The following LPIN3 variants were observed in gnomAD, a reference collection of about 807,000 sequenced individuals.
LPIN3 encodes the protein phosphatidate phosphatase LPIN3.
LPIN3 carries 82 observed loss-of-function variants against 94.7 expected under a neutral mutation model. The ratio of observed to expected loss-of-function variants is 0.87; its 90% confidence interval spans 0.72 to 1.04. The LOEUF (loss-of-function observed/expected upper bound fraction) is 1.04. Ranked by LOEUF, LPIN3 falls within the 50% of genes least tolerant of loss-of-function variation. LPIN3 has a pLI of 0.00. For missense variants in LPIN3, 996 were observed against 1,090.5 expected (o/e 0.91, Z 1.22); for synonymous variants, 418 against 443.3 (o/e 0.94, Z 0.72).
chr20:41,357,965 AG>A lies in LPIN3; in HGVS notation c.2129del (p.Gly710AlafsTer24). On this transcript the variant is annotated frameshift_variant, in exon 17 of 20. Coordinates refer to ENST00000373257, the MANE Select transcript of LPIN3 (RefSeq NM_022896.3). LOFTEE classifies it high-confidence loss of function. ...AAGGGGTACCTGCAGTGGGTGAGCG[AG>A]GGGGGCTGTAGCCTCCCCAAGGGCC... ...LTKGYLQWVS[E>X]GGCSLPKGPI... The A allele has an allele frequency of 6.2e-7, 1 of 1,613,588 alleles. No individual in the cohort carries two copies. The highest frequency in any genetic ancestry group is 8.5e-7 in the Non-Finnish European group (1 of 1,179,814).
chr20:41,355,896 G>A lies in LPIN3; in HGVS notation c.1665G>A (p.Gly555=). The A allele has an allele frequency of 1.9e-6, 3 of 1,614,026 alleles. No homozygotes were observed. Among genetic ancestry groups the A allele is most frequent in the Middle Eastern group, 3.3e-4 (2 of 6,060 alleles). ...KEKTAAKEQQ[G]EKTEVLSSDD... ...GCCTGAGAGCCAGTGTGGTCCACAG[G>A]GAGAAGACAGAAGTCCTGAGCAGTG... is the stretch of plus-strand genomic sequence containing the variant. The change falls in exon 14 of 20, where the codon GGG becomes GGA. Residue 555 remains glycine (G), a splice_region_variant and synonymous_variant. Coordinates refer to ENST00000373257, the MANE Select transcript of LPIN3 (RefSeq NM_022896.3).
chr20:41,348,946 G>A, intron 4 of LPIN3, 59 bp downstream of exon 4: 1 of 1,585,864 alleles, frequency 6.3e-7, no homozygotes. Flanking sequence ...TGTTTCCTCT[G>A]CTCATGCTGT....
Position 41,357,424 on chromosome 20 carries a change from C to T in LPIN3, c.2016C>T (p.Thr672=). ...LGKDWTHQGI[T]SLYHKIQLNG... is the part of the protein sequence containing the mutation. ...AAGACTGGACACACCAGGGCATCAC[C>T]AGTCTCTATCACAAAATCCAACTGT... is the stretch of plus-strand genomic sequence containing the variant. Residue 672 remains threonine (T), a synonymous_variant, in exon 16 of 20, where the codon ACC becomes ACT. Coordinates refer to ENST00000373257, the MANE Select transcript of LPIN3 (RefSeq NM_022896.3). 6.2e-7 allele frequency: 1 copy of T among 1,613,796 alleles called. No individual in the cohort carries two copies. The highest frequency in any genetic ancestry group is 8.5e-7 in the Non-Finnish European group (1 of 1,179,944).
Position 41,359,092 on chromosome 20 carries a change from A to G in LPIN3, c.*226A>G, listed in dbSNP as rs1490425709. On this transcript the variant is annotated 3_prime_UTR_variant, in exon 20 of 20. Transcript: ENST00000373257. ...GTCAGTGTGGCACTGTCCTGGGGCA[A>G]TTAGCTTGTCATCTGGGCCCTTGCA... 3.1e-5 allele frequency: 12 copies of G among 384,462 alleles called. No individual in the cohort carries two copies. The highest frequency in any genetic ancestry group is 4.6e-5 in the Non-Finnish European group (10 of 219,170). The allele number at this position is 384,462 out of a possible 1,614,324, so 23.8% of individuals were successfully genotyped here.
intron 2 of LPIN3, 47 bp downstream of exon 2, chr20:41,346,042 T>C: frequency 6.3e-7 from 1 of 1,578,030 alleles, no homozygotes; most frequent in Non-Finnish European, 8.6e-7. Context: ...GTGGGCTTTT[T>C]AAGCTGGGGC....
At chr20:41,354,456 T>C (rs1193219999) in intron 11 of LPIN3, among the ~76,000 whole-genome samples, 189 bp from the exon 12 acceptor site, 2 of 152,178 alleles carry the variant, frequency 1.3e-5, no homozygotes, top group African/African-American at 2.4e-5. Flanking sequence ...TGAGTATAGC[T>C]CACCCAAGTC....
Position 41,341,000 on chromosome 20 carries a change from C to G in LPIN3, c.-11C>G, listed in dbSNP as rs1331867992. On this transcript the variant is annotated splice_region_variant and 5_prime_UTR_variant, in exon 1 of 20. Coordinates refer to ENST00000373257, the MANE Select transcript of LPIN3 (RefSeq NM_022896.3). ...CCAGGAGCTCCAGTGGGCAGCTCCCCAGGTAGGGCCCAACTCGGGGGGAGA... is the reference window on the plus strand; with the variant it reads ...CCAGGAGCTCCAGTGGGCAGCTCCCGAGGTAGGGCCCAACTCGGGGGGAGA... 6.6e-6 allele frequency: 1 copy of G among 152,316 alleles called. No individual in the cohort carries two copies. The highest frequency in any genetic ancestry group is 1.5e-5 in the Non-Finnish European group (1 of 68,118). The allele number at this position is 152,316 out of a possible 1,614,324, so 9.4% of individuals were successfully genotyped here.
Position 41,352,062 on chromosome 20 carries a change from ACT to A in LPIN3, c.1208_1209del (p.Ser403TrpfsTer9). The A allele has an allele frequency of 6.2e-7, 1 of 1,614,062 alleles. No homozygotes were observed. The highest frequency in any genetic ancestry group is 1.1e-5 in the South Asian group (1 of 91,074). On this transcript the variant is annotated frameshift_variant, in exon 9 of 20. Coordinates refer to ENST00000373257, the MANE Select transcript of LPIN3 (RefSeq NM_022896.3). LOFTEE classifies it high-confidence loss of function. ...ATTGTTGGCCCCTTTGCCTGCAGTG[ACT>A]CTGGGCTGGGGGCCAGAAGATGGAG...
At chr20:41,352,522 G>A in intron 9 of LPIN3, 84 bp from the exon 10 acceptor site, 1 of 1,229,432 alleles carries the variant, frequency 8.1e-7, no homozygotes, top group Non-Finnish European at 1.2e-6. Flanking sequence ...GAGGTGAGCA[G>A]CAGAGTGGGG....
At chr20:41,358,064 GC>G in intron 17 of LPIN3, 30 bp downstream of exon 17, 1 of 1,573,238 alleles carries the variant, frequency 6.4e-7, no homozygotes, top group Non-Finnish European at 8.6e-7. Context: ...CAAGCCCGTG[GC>G]CCCCTGGTGG....
In LPIN3 at chr20:41,351,905, T is replaced by G; in HGVS notation, c.1187T>G (p.Leu396Arg). ...LPSLDSENAA[L>R]YFPQSDSGLG... ...TCCCTGGACTCTGAGAATGCAGCGCTTTACTTCCCCCAAAGGTGCCTGGGT... is the reference window on the plus strand; with the variant it reads ...TCCCTGGACTCTGAGAATGCAGCGCGTTACTTCCCCCAAAGGTGCCTGGGT... Residue 396 changes from leucine (L) to arginine (R), a missense_variant, in exon 8 of 20, where the codon CTT becomes CGT. Physicochemically the swap from Leu to Arg is moderately radical, Grantham distance 102 (BLOSUM62 -2). Coordinates refer to ENST00000373257, the MANE Select transcript of LPIN3 (RefSeq NM_022896.3). 7 of 1,614,244 alleles carry G rather than the reference T, an allele frequency of 4.3e-6. No individual in the cohort carries two copies. Among genetic ancestry groups the G allele is most frequent in the Non-Finnish European group, 5.9e-6 (7 of 1,180,046 alleles).
Position 41,359,552 on chromosome 20 carries a change from T to A in LPIN3, c.*686T>A, listed in dbSNP as rs1042943714. Reference sequence around the variant, plus strand: ...GCCCTACCGAGGCTCGAGGCTTCAGTGAAGGGTGACAGCAGTGGGAGTGTG... The same window carrying A: ...GCCCTACCGAGGCTCGAGGCTTCAGAGAAGGGTGACAGCAGTGGGAGTGTG... On this transcript the variant is annotated 3_prime_UTR_variant, in exon 20 of 20. Transcript: ENST00000373257. 1 of 152,318 alleles carries A rather than the reference T, an allele frequency of 6.6e-6. No individual in the cohort carries two copies. The highest frequency in any genetic ancestry group is 1.5e-5 in the Non-Finnish European group (1 of 68,162). The allele number at this position is 152,318 out of a possible 1,614,324, so 9.4% of individuals were successfully genotyped here.
chr20:41,343,614 T>C (rs547055911), intron 1 of LPIN3, among the ~76,000 whole-genome samples: 1 of 152,312 alleles, frequency 6.6e-6, no homozygotes, highest in Admixed American at 6.5e-5. Flanking sequence ...TGTCCTAGGA[T>C]GGGCAGGATG....
chr20:41,342,283 G>T (rs570641076), intron 1 of LPIN3, among the ~76,000 whole-genome samples: 1 of 152,304 alleles, frequency 6.6e-6, no homozygotes, highest in Non-Finnish European at 1.5e-5. Context: ...AGATAATCTG[G>T]TGCCTTTTCT....
chr20:41,342,286 C>G (rs2045611447), intron 1 of LPIN3, among the ~76,000 whole-genome samples: 1 of 152,138 alleles, frequency 6.6e-6, no homozygotes, highest in African/African-American at 2.4e-5. Flanking sequence ...TAATCTGGTG[C>G]CTTTTCTCCT....
At chr20:41,347,767 G>A (rs1233299735) in intron 3 of LPIN3, 120 bp downstream of exon 3, 9 of 826,502 alleles carry the variant, frequency 1.1e-5, no homozygotes, top group Middle Eastern at 2.8e-4. Flanking sequence ...ACCAGCAGAG[G>A]TCTGAGGCAG....
At chr20:41,354,938 G>C (rs937447317) in intron 13 of LPIN3, 75 bp downstream of exon 13, 1 of 1,437,280 alleles carries the variant, frequency 7.0e-7, no homozygotes, top group African/African-American at 1.4e-5. Flanking sequence ...TGGGTGGCAG[G>C]GAGGAGCCAG....
In LPIN3 at chr20:41,358,481, A is replaced by G. The variant is rs754496881; in HGVS notation, c.2350A>G (p.Ile784Val). Residue 784 changes from isoleucine to valine, a missense_variant, in exon 19 of 20, where the codon ATC becomes GTC. Ile to Val is a conservative substitution (Grantham distance 29). Transcript: ENST00000373257. ...GCAGGTGGGCCTGCCTGAGTCACGC[A>G]TCTTCACAGTCAACCCCCGGGGAGA... is the stretch of plus-strand genomic sequence containing the variant. ...YRQVGLPESR[I>V]FTVNPRGELI... The G allele has an allele frequency of 1.7e-5, 28 of 1,613,962 alleles. No individual in the cohort carries two copies. In the Admixed American group the frequency reaches 4.5e-4, roughly 26 times the overall value.
In LPIN3 at chr20:41,358,504, AGAGCTCATCCAG is replaced by A; in HGVS notation, c.2382_2393del (p.Gln795_Ile798del). ...GCATCTTCACAGTCAACCCCCGGGG[AGAGCTCATCCAG>A]GAGCTCATAAAGAACCACAAATCCA... On this transcript the variant is annotated inframe_deletion, in exon 19 of 20. Transcript: ENST00000373257. The A allele has an allele frequency of 4.3e-6, 7 of 1,614,034 alleles. No individual in the cohort carries two copies. Among genetic ancestry groups the A allele is most frequent in the Non-Finnish European group, 5.9e-6 (7 of 1,180,004 alleles).
Sources: allele counts gnomAD v4.1 joint callset (sites outside exome capture counted in the v4.1 genomes callset), GRCh38; gene constraint gnomAD v4.1.1; transcripts MANE v1.5; gene names NCBI Gene and HGNC (gene_info 2026-07-23, HGNC 2026-07-21).